Variants in CFAP299 observed in about 807,000 individuals in gnomAD.
CFAP299 encodes cilia- and flagella-associated protein 299.
In CFAP299, 21 loss-of-function variants were observed where a neutral mutation model predicts 27.0. That is an observed-to-expected ratio of 0.78 (90% confidence interval 0.55 to 1.12). CFAP299 has a LOEUF of 1.12. CFAP299 is among the 50% of genes most tolerant of loss of function. CFAP299 has a pLI of 0.00. For synonymous variants in CFAP299, 104 were observed against 98.1 expected, an observed-to-expected ratio of 1.06 and a Z score of -0.36; for missense variants, 310 against 276.6, an observed-to-expected ratio of 1.12 and a Z score of -0.86.
At chr4:80,505,287 A>G (rs758737847) in intron 2 of CFAP299, among the ~76,000 whole-genome samples, 2 of 152,078 alleles carry the variant, frequency 1.3e-5, no homozygotes, top group Non-Finnish European at 2.9e-5. Context: ...TTGTGTAGTG[A>G]CCAAAATTAA....
At chr4:80,595,122 G>T (rs17004950) in intron 3 of CFAP299, among the ~76,000 whole-genome samples, 2,374 of 152,162 alleles carry the variant, frequency 0.016, 49 homozygotes, top group Admixed American at 0.058. Context: ...TTTCATATGG[G>T]TAGAGGGTAT....
intron 1 of CFAP299, among the ~76,000 whole-genome samples, chr4:80,341,424 A>G (rs1310823435): frequency 6.6e-6 from 1 of 152,104 alleles, no homozygotes; most frequent in Non-Finnish European, 1.5e-5. Context: ...CTCCTACAGG[A>G]GGGTCTGGGC....
chr4:80,944,226 T>C (rs1438939728), intron 4 of CFAP299, among the ~76,000 whole-genome samples: 1 of 152,208 alleles, frequency 6.6e-6, no homozygotes, highest in East Asian at 1.9e-4. Flanking sequence ...ATGATGCTAG[T>C]TGACCTCCCC....
intron 2 of CFAP299, among the ~76,000 whole-genome samples, chr4:80,541,170 G>C (rs1371243040): frequency 6.6e-6 from 1 of 152,142 alleles, no homozygotes; most frequent in Admixed American, 6.5e-5. Flanking sequence ...TCATATGACA[G>C]TGAAGATAAC....
chr4:80,449,426 T>G (rs953011676), intron 2 of CFAP299, among the ~76,000 whole-genome samples: 4 of 151,874 alleles, frequency 2.6e-5, no homozygotes, highest in African/African-American at 9.7e-5. Context: ...TCTTATTTCT[T>G]TATTAACTGT....
intron 2 of CFAP299, among the ~76,000 whole-genome samples, chr4:80,442,823 T>A (rs1373878132): frequency 1.3e-5 from 2 of 151,316 alleles, no homozygotes; most frequent in Non-Finnish European, 2.9e-5. Flanking sequence ...GAGAGAAGAA[T>A]CAAATAGACA....
intron 4 of CFAP299, among the ~76,000 whole-genome samples, chr4:80,926,739 A>G (rs987484851): frequency 6.7e-6 from 1 of 149,748 alleles, no homozygotes; most frequent in Non-Finnish European, 1.5e-5. Context: ...GAGGAAAATA[A>G]TCAGTTGCAA....
At chr4:80,849,951 A>T (rs1346464803) in intron 3 of CFAP299, among the ~76,000 whole-genome samples, 2 of 152,186 alleles carry the variant, frequency 1.3e-5, no homozygotes, top group African/African-American at 2.4e-5. Flanking sequence ...CACAATGTAT[A>T]CATATATTGA....
intron 2 of CFAP299, among the ~76,000 whole-genome samples, chr4:80,369,974 G>T (rs1249093703): frequency 6.6e-6 from 1 of 152,156 alleles, no homozygotes; most frequent in African/African-American, 2.4e-5. Flanking sequence ...CTGCTGTAAA[G>T]AAATATCTGA....
intron 3 of CFAP299, among the ~76,000 whole-genome samples, chr4:80,655,580 G>T (rs1740512726): frequency 6.6e-6 from 1 of 152,058 alleles, no homozygotes; most frequent in Admixed American, 6.6e-5. Flanking sequence ...CAAGGGTATG[G>T]GAATATGTTT....
At chr4:80,639,994 A>G (rs545290419) in intron 3 of CFAP299, among the ~76,000 whole-genome samples, 4 of 152,246 alleles carry the variant, frequency 2.6e-5, no homozygotes, top group Admixed American at 2.6e-4. Flanking sequence ...TTTAATGGGC[A>G]TGGAGTTTCA....
intron 3 of CFAP299, among the ~76,000 whole-genome samples, chr4:80,646,279 AG>A (rs963426463): frequency 1.4e-4 from 21 of 152,202 alleles, no homozygotes; most frequent in African/African-American, 5.1e-4. Flanking sequence ...AGAAAGGGGC[AG>A]GCATGCTTTA....
intron 3 of CFAP299, among the ~76,000 whole-genome samples, chr4:80,603,828 CTCTA>C (rs1737495216): frequency 6.6e-6 from 1 of 152,100 alleles, no homozygotes; most frequent in African/African-American, 2.4e-5. Flanking sequence ...GAATAAAAAA[CTCTA>C]TCTCTCTTGG....
chr4:80,795,217 T>G (rs1727786514), intron 3 of CFAP299, among the ~76,000 whole-genome samples: 1 of 152,194 alleles, frequency 6.6e-6, no homozygotes, highest in South Asian at 2.1e-4. Context: ...TTCTCCAAAT[T>G]TCTTTGTCAT....
intron 4 of CFAP299, among the ~76,000 whole-genome samples, chr4:80,876,735 T>A (rs1733398750): frequency 6.6e-6 from 1 of 152,186 alleles, no homozygotes. Flanking sequence ...TTCAGTACAT[T>A]ATTCCATTTA....
intron 3 of CFAP299, among the ~76,000 whole-genome samples, chr4:80,636,561 C>T (rs748219745): frequency 1.3e-5 from 2 of 152,064 alleles, no homozygotes; most frequent in African/African-American, 2.4e-5. Context: ...TTATAAATGA[C>T]GATGCTCAGA....
At chr4:80,607,512 A>G (rs1737741041) in intron 3 of CFAP299, among the ~76,000 whole-genome samples, 1 of 152,126 alleles carries the variant, frequency 6.6e-6, no homozygotes, top group African/African-American at 2.4e-5. Flanking sequence ...GAAATGAGGG[A>G]GGCAAGAAGG....
chr4:80,905,267 A>G (rs1041762558), intron 4 of CFAP299, among the ~76,000 whole-genome samples: 2 of 152,210 alleles, frequency 1.3e-5, no homozygotes, highest in Non-Finnish European at 2.9e-5. Flanking sequence ...CAGTCCATCA[A>G]GTTAATGGTC....
chr4:80,672,615 C>T (rs1741559377), intron 3 of CFAP299, among the ~76,000 whole-genome samples: 1 of 152,158 alleles, frequency 6.6e-6, no homozygotes, highest in Admixed American at 6.5e-5. Flanking sequence ...TAGAATTCAG[C>T]TGTGAATCCA....
Sources: allele counts gnomAD v4.1 joint callset (sites outside exome capture counted in the v4.1 genomes callset), GRCh38; gene constraint gnomAD v4.1.1; transcripts MANE v1.5; gene names NCBI Gene and HGNC (gene_info 2026-07-23, HGNC 2026-07-21).